The following COL19A1 variants were observed in gnomAD, a reference collection of about 807,000 sequenced individuals.
COL19A1 encodes the protein collagen alpha-1(XIX) chain.
A neutral mutation model predicts 190.2 loss-of-function variants in COL19A1; 159 were observed. The observed-to-expected ratio is 0.84, with a 90% CI of 0.73 to 0.95. COL19A1 has a LOEUF of 0.95. Among genes scored for constraint, COL19A1 ranks in the 40% least tolerant of loss-of-function variants. The pLI is 0.00. For synonymous variants in COL19A1, 509 were observed against 458.9 expected (o/e 1.11, Z -1.39); for missense variants, 1,418 against 1,431.9 (o/e 0.99, Z 0.16).
rs775289340 is a variant in COL19A1, at chr6:70,121,961, C to T, written c.1341+19C>T. On this transcript the variant is annotated intron_variant, in intron 17 of 50. Coordinates refer to ENST00000620364, the MANE Select transcript of COL19A1 (RefSeq NM_001858.6). ...TAACAAGGTATGGCTTCTTTTTTCC[C>T]ATAATTTATAATACATAGAAATTTT... The T allele has an allele frequency of 1.3e-6, 2 of 1,481,752 alleles. No homozygotes were observed. Among genetic ancestry groups the T allele is most frequent in the East Asian group, 2.3e-5 (1 of 42,586 alleles). 91.8% of individuals were successfully genotyped at this position (1,481,752 alleles called of 1,614,324 possible).
At position 70,209,493 on chromosome 6, in the gene COL19A1, TTTTTA is replaced by T. The variant is rs1237383454; in HGVS notation, c.*2222_*2226del. ...TTTCTTGTTTTATTAACTCTGTTCATTTTTATTCTACAAAATATGTCATGCATTCT... is the reference window on the plus strand; with the variant it reads ...TTTCTTGTTTTATTAACTCTGTTCATTTCTACAAAATATGTCATGCATTCT... On this transcript the variant is annotated 3_prime_UTR_variant, in exon 51 of 51. Coordinates refer to ENST00000620364, the MANE Select transcript of COL19A1 (RefSeq NM_001858.6). The T allele has an allele frequency of 6.6e-6, 1 of 152,230 alleles. No homozygotes were observed. Among genetic ancestry groups the T allele is most frequent in the Non-Finnish European group, 1.5e-5 (1 of 68,040 alleles). 9.4% of individuals were successfully genotyped at this position (152,230 alleles called of 1,614,324 possible). A position where few individuals can be genotyped will look rare whatever the true frequency, so the allele number is the denominator to read the frequency against.
chr6:70,129,635 G>A (rs1297267841), intron 17 of COL19A1, among the ~76,000 whole-genome samples: 1 of 152,220 alleles, frequency 6.6e-6, no homozygotes, highest in African/African-American at 2.4e-5. Context: ...AGGATAGCTT[G>A]AGCCCAGGAG....
At chr6:70,077,881 A>G (rs1781982620) in intron 15 of COL19A1, among the ~76,000 whole-genome samples, 1 of 152,222 alleles carries the variant, frequency 6.6e-6, no homozygotes, top group South Asian at 2.1e-4. Context: ...CTTAGAACAT[A>G]CAATGAAAAG....
Position 70,206,888 on chromosome 6 carries a change from A to G in COL19A1, c.3224-13A>G, listed in dbSNP as rs371004469. 88 of 1,609,844 alleles carry G rather than the reference A, an allele frequency of 5.5e-5. No homozygotes were observed. The African/African-American group carries it at 1.1e-3, about 20-fold the overall frequency. On this transcript the variant is annotated splice_polypyrimidine_tract_variant and intron_variant, in intron 49 of 50. Transcript: ENST00000620364. ...CTTTTTGTGTGTCTCTTTTTTATAT[A>G]TTTCTCACTTAGGCTACAGAGGACA...
intron 14 of COL19A1, among the ~76,000 whole-genome samples, chr6:70,064,434 T>C (rs1018916709): frequency 2.0e-5 from 3 of 152,234 alleles, no homozygotes; most frequent in African/African-American, 7.2e-5. Context: ...AAACTCTCAA[T>C]AAATTAGGTA....
chr6:69,878,029 A>AAAAGGGC (rs1306668296), intron 1 of COL19A1, among the ~76,000 whole-genome samples: 4 of 151,932 alleles, frequency 2.6e-5, no homozygotes, highest in African/African-American at 9.7e-5. Context: ...ATAAATAAAT[A>AAAAGGGC]AAAGGGCAAA....
chr6:70,038,189 A>T (rs1472424996), intron 14 of COL19A1, among the ~76,000 whole-genome samples: 1 of 152,250 alleles, frequency 6.6e-6, no homozygotes, highest in Non-Finnish European at 1.5e-5. Context: ...GCAGTGATAT[A>T]TTGGAGTCAA....
chr6:70,156,097 C>T (rs753092582), intron 31 of COL19A1, 30 bp from the exon 32 acceptor site: 1 of 1,596,964 alleles, frequency 6.3e-7, no homozygotes, highest in Non-Finnish European at 8.5e-7. Flanking sequence ...TTTATGACTC[C>T]CTCAGTAACC....
chr6:70,089,669 A>G (rs1226379712), intron 15 of COL19A1, among the ~76,000 whole-genome samples: 2 of 152,212 alleles, frequency 1.3e-5, no homozygotes, highest in Non-Finnish European at 2.9e-5. Context: ...GTGATGACAT[A>G]TGCTTCAGAC....
chr6:70,008,831 T>A (rs1201006819), intron 11 of COL19A1, among the ~76,000 whole-genome samples: 1 of 151,796 alleles, frequency 6.6e-6, no homozygotes, highest in East Asian at 1.9e-4. Flanking sequence ...TCCAATAACA[T>A]ATAGAAACAA....
intron 15 of COL19A1, among the ~76,000 whole-genome samples, chr6:70,082,920 G>A (rs1191358864): frequency 1.3e-5 from 2 of 152,050 alleles, no homozygotes; most frequent in Non-Finnish European, 2.9e-5. Flanking sequence ...TTCACAATAG[G>A]GTTCATACTC....
At position 69,929,613 on chromosome 6, in the gene COL19A1, G is replaced by C. The variant is rs138814921; in HGVS notation, c.579G>C (p.Ala193=). 2 of 1,613,926 alleles carry C rather than the reference G, an allele frequency of 1.2e-6. No individual in the cohort carries two copies. The highest frequency in any genetic ancestry group is 1.7e-6 in the Non-Finnish European group (2 of 1,179,960). The change falls in exon 6 of 51, where the codon GCG becomes GCC. Residue 193 remains alanine, a synonymous_variant. Coordinates refer to ENST00000620364, the MANE Select transcript of COL19A1 (RefSeq NM_001858.6). ...ISLYMDCNLI[A]RRQTDEKDTV... is the part of the protein sequence containing the mutation. ...TTTATATGGATTGTAATTTAATTGCGAGGAGGCAGACTGATGAAAAGGACA... is the reference window on the plus strand; with the variant it reads ...TTTATATGGATTGTAATTTAATTGCCAGGAGGCAGACTGATGAAAAGGACA...
intron 37 of COL19A1, among the ~76,000 whole-genome samples, chr6:70,167,714 T>C (rs771737136): frequency 1.3e-5 from 2 of 152,220 alleles, no homozygotes; most frequent in Non-Finnish European, 2.9e-5. Context: ...TGAATTTTAA[T>C]GAGCAAATAT....
chr6:69,959,185 C>A (rs976549002), intron 9 of COL19A1, among the ~76,000 whole-genome samples: 2 of 152,140 alleles, frequency 1.3e-5, no homozygotes, highest in African/African-American at 4.8e-5. Flanking sequence ...AGAATTCCAG[C>A]AATGGAAACT....
chr6:69,936,452 G>T (rs1318350059), intron 7 of COL19A1, among the ~76,000 whole-genome samples: 4 of 151,954 alleles, frequency 2.6e-5, no homozygotes, highest in Admixed American at 6.6e-5. Context: ...CATGTTGTTT[G>T]TACAAATTAT....
At chr6:69,968,299 A>C (rs1775237075) in intron 11 of COL19A1, among the ~76,000 whole-genome samples, 1 of 152,154 alleles carries the variant, frequency 6.6e-6, no homozygotes, top group South Asian at 2.1e-4. Context: ...CAGTGAATTC[A>C]TTCTTGTTAT....
chr6:69,966,781 T>TA lies in COL19A1; in HGVS notation c.1026+3925dup, dbSNP rs1015800778. 7.0e-3 allele frequency among the ~76,000 whole-genome samples: 929 copies of TA among 132,212 alleles called. 12 individuals are homozygous for TA. The highest frequency in any genetic ancestry group is 0.033 in the South Asian group (138 of 4,162). 86.7% of individuals were successfully genotyped at this position (132,212 alleles called of 152,430 possible). A position where few individuals can be genotyped will look rare whatever the true frequency, so the allele number is the denominator to read the frequency against. The stretch of plus-strand genomic sequence containing the variant: ...AATGATCAATAAATACTAAAAAAAT[T>TA]AAAAAAAAAAAAAAGAAAAAGGCCA... On this transcript the variant is annotated intron_variant, in intron 11 of 50. Transcript: ENST00000620364.
At chr6:70,037,176 G>C (rs974319463) in intron 14 of COL19A1, among the ~76,000 whole-genome samples, 2 of 151,846 alleles carry the variant, frequency 1.3e-5, no homozygotes, top group African/African-American at 4.8e-5. Context: ...TATTTTTTGA[G>C]ACAGAGTCTT....
At position 69,929,546 on chromosome 6, in the gene COL19A1, G is replaced by A. The variant is rs1245071213; in HGVS notation, c.512G>A (p.Trp171Ter). 1.9e-6 allele frequency: 3 copies of A among 1,613,882 alleles called. No homozygotes were observed. The highest frequency in any genetic ancestry group is 2.5e-6 in the Non-Finnish European group (3 of 1,179,960). Residue 171 changes from tryptophan (W) to a stop codon, truncating the protein, a stop_gained, in exon 6 of 51, where the codon TGG becomes TAG. Transcript: ENST00000620364. LOFTEE classifies it high-confidence loss of function. ...RELRPLFDRQ[W>*]HKLGISIQSQ... The stretch of plus-strand genomic sequence containing the variant: ...CTCCGTCCTTTGTTTGATCGTCAGT[G>A]GCACAAACTTGGCATTAGTATACAA...
Sources: gnomAD v4.1 joint callset for allele counts (sites outside exome capture counted in the v4.1 genomes callset) on GRCh38, gnomAD v4.1.1 for gene constraint, MANE v1.5 for transcripts, NCBI Gene and HGNC (gene_info 2026-07-23, HGNC 2026-07-21) for gene names.